RPGRIP1L: variants seen among roughly 807,000 people sequenced by gnomAD.
RPGRIP1L encodes RPGRIP1 like.
Under a neutral mutation model 160.4 loss-of-function variants are expected in RPGRIP1L, and 131 were observed. The ratio of observed to expected loss-of-function variants is 0.82; its 90% CI spans 0.71 to 0.94. The LOEUF is 0.94. Ranked by LOEUF, RPGRIP1L falls within the 40% of genes least tolerant of loss-of-function variation. RPGRIP1L has a pLI of 0.00. For missense variants in RPGRIP1L, 1,522 were observed against 1,535.8 expected, an observed-to-expected ratio of 0.99 and a Z score of 0.15; for synonymous variants, 510 against 515.8, an observed-to-expected ratio of 0.99 and a Z score of 0.15.
At chr16:53,643,472 G>A (rs965172525) in intron 17 of RPGRIP1L, among the ~76,000 whole-genome samples, 9 of 152,004 alleles carry the variant, frequency 5.9e-5, no homozygotes, top group African/African-American at 1.9e-4. Flanking sequence ...TAGTCAATTC[G>A]GAAAGTAAAA....
intron 2 of RPGRIP1L, among the ~76,000 whole-genome samples, chr16:53,697,424 C>G (rs1011398848): frequency 1.3e-5 from 2 of 152,114 alleles, no homozygotes; most frequent in Non-Finnish European, 2.9e-5. Context: ...CGAAGCTGGA[C>G]TGTGCTGCTG....
intron 24 of RPGRIP1L, among the ~76,000 whole-genome samples, chr16:53,612,372 A>AT (rs964864327): frequency 1.2e-4 from 18 of 151,938 alleles, no homozygotes; most frequent in Middle Eastern, 3.4e-3. Context: ...GGTTCAGAGT[A>AT]TTTTTTTTAA....
intron 7 of RPGRIP1L, 30 bp downstream of exon 7, chr16:53,674,987 A>C: frequency 7.0e-7 from 1 of 1,427,818 alleles, no homozygotes; most frequent in Non-Finnish European, 9.8e-7. Flanking sequence ...CATCTCTGTA[A>C]CATTGTAATA....
rs765853965 is a variant in RPGRIP1L, at chr16:53,602,145, C to T, written c.3879G>A (p.Arg1293=). ...GGGCATGGAGAGCTTCGACTGTTAC[C>T]CTGAGCTTGCCAATACCTTCACCAT... ...RADGEGIGKL[R]VTVEALHALQ... The change falls in exon 27 of 27, where the codon AGG becomes AGA. Residue 1293 remains arginine (R), a synonymous_variant. Transcript: ENST00000647211. 6.2e-7 allele frequency: 1 copy of T among 1,613,864 alleles called. No homozygotes were observed. The highest frequency in any genetic ancestry group is 1.7e-5 in the Admixed American group (1 of 60,000).
At chr16:53,676,335 A>T (rs1001597392) in intron 6 of RPGRIP1L, among the ~76,000 whole-genome samples, 1 of 152,154 alleles carries the variant, frequency 6.6e-6, no homozygotes, top group African/African-American at 2.4e-5. Flanking sequence ...CTGAGCACAT[A>T]TTCAACAATA....
chr16:53,674,909 A>G (rs1456958153), intron 7 of RPGRIP1L, 108 bp downstream of exon 7: 3 of 706,076 alleles, frequency 4.2e-6, no homozygotes, highest in Non-Finnish European at 7.4e-6. Flanking sequence ...ATCCTTCAAA[A>G]TTATGTTCTA....
intron 6 of RPGRIP1L, among the ~76,000 whole-genome samples, chr16:53,680,540 A>C (rs564890027): frequency 6.6e-6 from 1 of 152,076 alleles, no homozygotes; most frequent in African/African-American, 2.4e-5. Context: ...CCTAGATCAA[A>C]AGAAAATAAA....
chr16:53,664,177 T>C (rs1156493013), intron 10 of RPGRIP1L, among the ~76,000 whole-genome samples: 1 of 152,230 alleles, frequency 6.6e-6, no homozygotes, highest in Non-Finnish European at 1.5e-5. Flanking sequence ...TATGTGTGTG[T>C]AACACAGTAA....
intron 5 of RPGRIP1L, among the ~76,000 whole-genome samples, chr16:53,687,420 C>G (rs1598402861): frequency 6.6e-6 from 1 of 151,984 alleles, no homozygotes; most frequent in Admixed American, 6.6e-5. Context: ...TAGAATCATA[C>G]GAAAACAAAA....
chr16:53,610,845 A>C (rs1381747429), intron 25 of RPGRIP1L, 122 bp downstream of exon 25: 1 of 784,686 alleles, frequency 1.3e-6, no homozygotes, highest in African/African-American at 1.7e-5. Flanking sequence ...TCGAGGGTAC[A>C]GAGTGAGTCA....
intron 24 of RPGRIP1L, among the ~76,000 whole-genome samples, chr16:53,613,492 G>C (rs1964181151): frequency 6.6e-6 from 1 of 151,882 alleles, no homozygotes. Flanking sequence ...CTAATTTTTA[G>C]TTTTTGTAGA....
intron 22 of RPGRIP1L, among the ~76,000 whole-genome samples, chr16:53,629,422 C>T (rs1228362251): frequency 6.6e-6 from 1 of 152,184 alleles, no homozygotes; most frequent in African/African-American, 2.4e-5. Flanking sequence ...ATTTGCATCT[C>T]TTACAAATTC....
intron 2 of RPGRIP1L, among the ~76,000 whole-genome samples, chr16:53,699,797 G>A (rs889606172): frequency 2.2e-4 from 28 of 129,030 alleles, no homozygotes; most frequent in African/African-American, 5.0e-4. Context: ...CAGCCTGGGC[G>A]ACAGAGCGAG....
At chr16:53,687,760 T>C (rs1434836056) in intron 5 of RPGRIP1L, 103 bp downstream of exon 5, 1 of 758,322 alleles carries the variant, frequency 1.3e-6, no homozygotes, top group African/African-American at 1.7e-5. Context: ...TGTATTTCAG[T>C]GGAGCAAACT....
chr16:53,651,101 C>T (rs960399132), intron 15 of RPGRIP1L, among the ~76,000 whole-genome samples: 1 of 152,138 alleles, frequency 6.6e-6, no homozygotes, highest in Non-Finnish European at 1.5e-5. Context: ...CTTAACTTGT[C>T]CAAACAGAAT....
chr16:53,650,302 A>T (rs369871192), intron 15 of RPGRIP1L, among the ~76,000 whole-genome samples: 5 of 152,174 alleles, frequency 3.3e-5, no homozygotes, highest in Admixed American at 2.0e-4. Flanking sequence ...CCAGATGTGA[A>T]CACCTTGATA....
chr16:53,639,750 A>C (rs1327944667), intron 19 of RPGRIP1L, among the ~76,000 whole-genome samples: 1 of 152,192 alleles, frequency 6.6e-6, no homozygotes, highest in Non-Finnish European at 1.5e-5. Context: ...TGTTGTGAGG[A>C]TTAAATGAGT....
intron 15 of RPGRIP1L, among the ~76,000 whole-genome samples, chr16:53,650,491 A>C (rs1395338665): frequency 6.6e-6 from 1 of 152,162 alleles, no homozygotes; most frequent in East Asian, 1.9e-4. Flanking sequence ...TGGGAGACTG[A>C]AGTGTGGGCA....
At position 53,700,636 on chromosome 16, in the gene RPGRIP1L, T is replaced by A; in HGVS notation, c.85+3A>T. ...AACTGTAATAAATAACAGCTGGCCA[T>A]ACCTTGTAACCCTCCCATTCCAAAG... On this transcript the variant is annotated splice_donor_region_variant and intron_variant, in intron 2 of 26. Coordinates refer to ENST00000647211, the MANE Select transcript of RPGRIP1L (RefSeq NM_015272.5). 6.3e-6 allele frequency: 10 copies of A among 1,598,038 alleles called. No individual in the cohort carries two copies. Among genetic ancestry groups the A allele is most frequent in the Non-Finnish European group, 8.6e-6 (10 of 1,166,144 alleles).
Sources: allele counts gnomAD v4.1 joint callset (sites outside exome capture counted in the v4.1 genomes callset), GRCh38; gene constraint gnomAD v4.1.1; transcripts MANE v1.5; gene names NCBI Gene and HGNC (gene_info 2026-07-23, HGNC 2026-07-21).